Variants in MGMT observed in about 807,000 individuals in gnomAD.
The protein encoded by MGMT is O-6-methylguanine-DNA methyltransferase, also known as methylated-DNA--protein-cysteine methyltransferase.
In MGMT, 14 loss-of-function variants were observed where a neutral mutation model predicts 15.9. The observed-to-expected ratio is 0.88, with a 90% CI of 0.58 to 1.37. The LOEUF (loss-of-function observed/expected upper bound fraction) is 1.37, where lower values mean the gene tolerates loss of function less well. MGMT is among the 40% of genes most tolerant of loss of function. The probability of loss-of-function intolerance (pLI) is 0.00; values close to 1 mark genes in which losing one functional copy is unlikely to be tolerated. For missense variants in MGMT, 282 were observed against 268.1 expected (o/e 1.05, Z -0.36); for synonymous variants, 130 against 118.2 (o/e 1.10, Z -0.65).
intron 4 of MGMT, among the ~76,000 whole-genome samples, chr10:129,764,989 G>C (rs545838784): frequency 1.3e-5 from 2 of 152,082 alleles, no homozygotes; most frequent in Non-Finnish European, 2.9e-5. Context: ...TCTACGTGTC[G>C]TGCCAGCTGA....
chr10:129,591,653 C>T (rs1295008138), intron 2 of MGMT, among the ~76,000 whole-genome samples: 2 of 152,172 alleles, frequency 1.3e-5, no homozygotes, highest in East Asian at 1.9e-4. Flanking sequence ...CCTTGTTGGC[C>T]GGACGCGGTG....
At chr10:129,657,027 T>C (rs1847532231) in intron 2 of MGMT, among the ~76,000 whole-genome samples, 1 of 152,148 alleles carries the variant, frequency 6.6e-6, no homozygotes, top group African/African-American at 2.4e-5. Context: ...ACAATGACTG[T>C]GAGTTAGGTG....
chr10:129,502,942 T>C (rs1409470531), intron 1 of MGMT, among the ~76,000 whole-genome samples: 1 of 152,226 alleles, frequency 6.6e-6, no homozygotes, highest in Non-Finnish European at 1.5e-5. Flanking sequence ...TTTTTACGGC[T>C]CTACCCCGTA....
intron 1 of MGMT, among the ~76,000 whole-genome samples, chr10:129,527,578 C>A (rs1845884506): frequency 6.9e-6 from 1 of 144,586 alleles, no homozygotes; most frequent in Admixed American, 6.8e-5. Flanking sequence ...AGTAGGTGGT[C>A]GGCTCTTTTC....
chr10:129,766,713 AG>A, intron 4 of MGMT, 74 bp from the exon 5 acceptor site: 1 of 1,367,820 alleles, frequency 7.3e-7, no homozygotes. Flanking sequence ...CCTGTCAGTC[AG>A]GGCCTTGGCC....
intron 1 of MGMT, among the ~76,000 whole-genome samples, chr10:129,502,219 G>T (rs1019057821): frequency 1.3e-5 from 2 of 152,286 alleles, no homozygotes; most frequent in African/African-American, 4.8e-5. Flanking sequence ...ACTTGACCTG[G>T]AATACCCACC....
At chr10:129,593,382 C>T (rs1372458635) in intron 2 of MGMT, among the ~76,000 whole-genome samples, 2 of 152,274 alleles carry the variant, frequency 1.3e-5, no homozygotes, top group African/African-American at 2.4e-5. Context: ...ATGGGCGGTC[C>T]TCCCTCCTGC....
intron 4 of MGMT, 139 bp from the exon 5 acceptor site, chr10:129,766,649 C>T: frequency 1.4e-6 from 1 of 719,540 alleles, no homozygotes; most frequent in East Asian, 2.7e-5. Flanking sequence ...CTGACACCCA[C>T]CCATGCCAAC....
chr10:129,474,558 A>G (rs528937327), intron 1 of MGMT, among the ~76,000 whole-genome samples: 1 of 152,230 alleles, frequency 6.6e-6, no homozygotes, highest in Non-Finnish European at 1.5e-5. Flanking sequence ...CCTGCCTGGC[A>G]TCTGGGTTCT....
At chr10:129,510,293 C>T (rs543307349) in intron 1 of MGMT, among the ~76,000 whole-genome samples, 10 of 152,158 alleles carry the variant, frequency 6.6e-5, no homozygotes, top group African/African-American at 2.2e-4. Context: ...TTGGGGAAAA[C>T]GCTGGAATTG....
At chr10:129,703,167 AAG>A (rs1481148652) in intron 2 of MGMT, among the ~76,000 whole-genome samples, 16 of 152,344 alleles carry the variant, frequency 1.1e-4, no homozygotes, top group Admixed American at 7.8e-4. Context: ...CCAATAGAGA[AAG>A]AGTTAAAAAG....
At chr10:129,600,141 G>T in intron 2 of MGMT, among the ~76,000 whole-genome samples, 1 of 152,166 alleles carries the variant, frequency 6.6e-6, no homozygotes, top group East Asian at 1.9e-4. Context: ...GTATCTCCAG[G>T]GATACAGCCT....
At chr10:129,632,989 C>T (rs1409637064) in intron 2 of MGMT, among the ~76,000 whole-genome samples, 2 of 152,078 alleles carry the variant, frequency 1.3e-5, no homozygotes, top group Admixed American at 1.3e-4. Context: ...AAACAAAATG[C>T]TGTTTTTCAT....
At chr10:129,552,263 CTG>C (rs1308496069) in intron 2 of MGMT, among the ~76,000 whole-genome samples, 1 of 152,340 alleles carries the variant, frequency 6.6e-6, no homozygotes, top group Admixed American at 6.5e-5. Context: ...TGGGCCGTGA[CTG>C]TGGCGCTCCA....
chr10:129,484,327 C>T (rs899398451), intron 1 of MGMT, among the ~76,000 whole-genome samples: 35 of 152,136 alleles, frequency 2.3e-4, no homozygotes, highest in Non-Finnish European at 2.9e-5. Flanking sequence ...GTTTCTGTGC[C>T]TTGATAGTTT....
At chr10:129,642,846 C>T (rs1847342857) in intron 2 of MGMT, among the ~76,000 whole-genome samples, 1 of 151,894 alleles carries the variant, frequency 6.6e-6, no homozygotes, top group African/African-American at 2.4e-5. Context: ...GCGGGAAGAC[C>T]ACCTGAGCCC....
chr10:129,662,208 G>C (rs998866757), intron 2 of MGMT, among the ~76,000 whole-genome samples: 1 of 152,152 alleles, frequency 6.6e-6, no homozygotes, highest in Non-Finnish European at 1.5e-5. Context: ...AGGGGAAGTA[G>C]AGTAAGATCA....
At chr10:129,695,608 T>G (rs573279382) in intron 2 of MGMT, among the ~76,000 whole-genome samples, 69 of 152,302 alleles carry the variant, frequency 4.5e-4, no homozygotes, top group African/African-American at 1.6e-3. Context: ...GATGACAGAG[T>G]TAGTCTGTAA....
At chr10:129,600,941 A>G (rs1485608584) in intron 2 of MGMT, among the ~76,000 whole-genome samples, 5 of 152,212 alleles carry the variant, frequency 3.3e-5, no homozygotes, top group Admixed American at 2.0e-4. Flanking sequence ...TTAGTGAAAC[A>G]TTAGTATTAA....
Sources: gnomAD v4.1 joint callset for allele counts (sites outside exome capture counted in the v4.1 genomes callset) on GRCh38, gnomAD v4.1.1 for gene constraint, MANE v1.5 for transcripts, NCBI Gene and HGNC (gene_info 2026-07-23, HGNC 2026-07-21) for gene names.